The following FHAD1 variants were observed in gnomAD, a reference collection of about 807,000 sequenced individuals.
The protein encoded by FHAD1 is forkhead associated phosphopeptide binding domain 1.
In FHAD1, 146 loss-of-function variants were observed where a neutral mutation model predicts 191.3. The observed-to-expected ratio is 0.76, with a 90% CI of 0.67 to 0.88. The LOEUF is 0.88. Ranked by LOEUF, FHAD1 falls within the 40% of genes least tolerant of loss-of-function variation. The pLI is 0.00. For missense variants in FHAD1, 1,635 were observed against 1,785.8 expected (o/e 0.92, Z 1.52); for synonymous variants, 616 against 672.3 (o/e 0.92, Z 1.29).
chr1:15,378,012 G>C (rs1700054553), intron 28 of FHAD1, among the ~76,000 whole-genome samples: 1 of 151,284 alleles, frequency 6.6e-6, no homozygotes. Context: ...TAAGAAATAT[G>C]AAGACTTCAG....
chr1:15,340,120 C>G (rs1028082946), intron 15 of FHAD1, among the ~76,000 whole-genome samples: 1 of 152,158 alleles, frequency 6.6e-6, no homozygotes, highest in Non-Finnish European at 1.5e-5. Flanking sequence ...GCCACTGCAC[C>G]AGCCTTAATG....
Position 15,337,270 on chromosome 1 carries a change from C to G in FHAD1, c.1907-2211C>G, listed in dbSNP as rs146127303. Among the ~76,000 whole-genome samples the G allele has an allele frequency of 7.2e-3, 1,103 of 152,336 alleles. 17 individuals are homozygous for G. The highest frequency in any genetic ancestry group is 0.024 in the African/African-American group (1,009 of 41,574). On this transcript the variant is annotated intron_variant, in intron 14 of 33. Coordinates refer to ENST00000688493, the MANE Select transcript of FHAD1 (RefSeq NM_001391957.1). ...TGCCAGTGCCTCAAATTCAGCATGT[C>G]TGAAACAGCCTGGGGGCTCCTTCTC...
At chr1:15,363,264 C>A (rs1695393610) in intron 23 of FHAD1, among the ~76,000 whole-genome samples, 1 of 152,168 alleles carries the variant, frequency 6.6e-6, no homozygotes. Flanking sequence ...AGTCTCACTG[C>A]CATGATAACC....
chr1:15,304,950 TGTC>T (rs79974335), intron 6 of FHAD1, among the ~76,000 whole-genome samples: 38,515 of 151,946 alleles, frequency 0.25, 6,186 homozygotes, highest in East Asian at 0.55. Context: ...GTATCTGCAT[TGTC>T]GGGGTCCCCC....
At chr1:15,382,814 C>T (rs573914106) in intron 31 of FHAD1, among the ~76,000 whole-genome samples, 4 of 152,308 alleles carry the variant, frequency 2.6e-5, no homozygotes, top group East Asian at 1.9e-4. Context: ...CGCCAGTGAC[C>T]GCAAAGGAGA....
chr1:15,317,549 G>A (rs990232850), intron 9 of FHAD1, among the ~76,000 whole-genome samples: 2 of 152,224 alleles, frequency 1.3e-5, no homozygotes, highest in Non-Finnish European at 2.9e-5. Flanking sequence ...GTTGATGGGT[G>A]TCCTGTAGTC....
intron 11 of FHAD1, 45 bp downstream of exon 11, chr1:15,324,604 T>C: frequency 7.3e-7 from 1 of 1,378,208 alleles, no homozygotes. Context: ...CGCTCTCCAA[T>C]GATTGCACCC....
chr1:15,350,033 A>T (rs2102439704), intron 19 of FHAD1, among the ~76,000 whole-genome samples: 1 of 152,340 alleles, frequency 6.6e-6, no homozygotes, highest in East Asian at 1.9e-4. Flanking sequence ...GGTGGCACAG[A>T]CACACACGTG....
intron 33 of FHAD1, among the ~76,000 whole-genome samples, chr1:15,395,307 CAA>C (rs34527814): frequency 1.2e-4 from 12 of 101,382 alleles, no homozygotes; most frequent in Admixed American, 2.3e-4. Context: ...GACTCCATCT[CAA>C]AAAAAAAAAA....
chr1:15,299,608 G>A (rs74441378), intron 5 of FHAD1, among the ~76,000 whole-genome samples: 5,032 of 152,290 alleles, frequency 0.033, 116 homozygotes, highest in Non-Finnish European at 0.049. Context: ...TACCAAGACC[G>A]TGTGGAAGGG....
chr1:15,294,182 C>G (rs954986121), intron 4 of FHAD1, among the ~76,000 whole-genome samples: 1 of 152,184 alleles, frequency 6.6e-6, no homozygotes, highest in South Asian at 2.1e-4. Flanking sequence ...TTGAAAGCAC[C>G]GAGTTTTGAG....
rs1427182554 is a variant in FHAD1, at chr1:15,301,283, A to G, written c.757A>G (p.Ile253Val). The change falls in exon 6 of 34, where the codon ATA (isoleucine) becomes GTA (valine). Residue 253 changes from isoleucine to valine, a missense_variant. Transcript: ENST00000688493. The part of the protein sequence containing the change: ...YEIESKYKDV[I>V]IANLQNEVAE... Reference sequence around the variant, plus strand: ...AATTGAATCCAAATACAAAGACGTCATAATAGCAAACCTGCAGAATGAAGT... The same window carrying G: ...AATTGAATCCAAATACAAAGACGTCGTAATAGCAAACCTGCAGAATGAAGT... 5 of 1,551,680 alleles carry G rather than the reference A, an allele frequency of 3.2e-6. No homozygotes were observed. The highest frequency in any genetic ancestry group is 1.4e-5 in the African/African-American group (1 of 73,064).
chr1:15,289,632 G>A lies in FHAD1; in HGVS notation c.534G>A (p.Val178=), dbSNP rs1283698098. The A allele has an allele frequency of 6.4e-7, 1 of 1,550,784 alleles. No homozygotes were observed. Among genetic ancestry groups the A allele is most frequent in the East Asian group, 2.4e-5 (1 of 40,906 alleles). The stretch of plus-strand genomic sequence containing the variant: ...ACAAGGAGATGTTCTCGTTCGTGGT[G>A]GACGACGCCCGCAAGCCACCCGTCA... ...SANKEMFSFV[V]DDARKPPVIK... The change falls in exon 4 of 34, where the codon GTG becomes GTA. Residue 178 remains valine, a synonymous_variant. Coordinates refer to ENST00000688493, the MANE Select transcript of FHAD1 (RefSeq NM_001391957.1). This position sits in a 1 kb window ranked among gnomAD's most constrained non-coding sequence, Gnocchi z 4.2.
rs1467387169 is a variant in FHAD1 at position 15,289,083 on chromosome 1, C to T, written c.301-316C>T. The stretch of plus-strand genomic sequence containing the variant: ...CACTGCAGCCTCTACTTCCTAGGCT[C>T]AGGTGATCCTCCCACCTCAGCCTCT... On this transcript the variant is annotated intron_variant, in intron 3 of 33. Coordinates refer to ENST00000688493, the MANE Select transcript of FHAD1 (RefSeq NM_001391957.1). The surrounding 1 kb of genome is among the most constrained non-coding windows in gnomAD (Gnocchi z 4.2). Among the ~76,000 whole-genome samples the T allele has an allele frequency of 6.6e-6, 1 of 152,188 alleles. No individual in the cohort carries two copies. Among genetic ancestry groups the T allele is most frequent in the Non-Finnish European group, 1.5e-5 (1 of 68,036 alleles).
chr1:15,272,168 G>A (rs530171009), intron 2 of FHAD1, among the ~76,000 whole-genome samples, 155 bp from the exon 3 acceptor site: 126 of 152,068 alleles, frequency 8.3e-4, no homozygotes, highest in Non-Finnish European at 1.5e-3. Context: ...TGGGCAAGTC[G>A]CTTAACCTCT....
chr1:15,367,371 C>G, intron 24 of FHAD1, 92 bp from the exon 25 acceptor site: 1 of 1,409,660 alleles, frequency 7.1e-7, no homozygotes, highest in African/African-American at 1.4e-5. Context: ...TGGCGCATGC[C>G]CGTAATCCCA....
At chr1:15,264,512 G>A (rs933252927) in intron 2 of FHAD1, among the ~76,000 whole-genome samples, 1 of 150,864 alleles carries the variant, frequency 6.6e-6, no homozygotes, top group African/African-American at 2.4e-5. Flanking sequence ...AAATGATTTT[G>A]TATCATTTAT....
intron 19 of FHAD1, among the ~76,000 whole-genome samples, 187 bp downstream of exon 19, chr1:15,349,336 T>C (rs747130731): frequency 1.2e-4 from 18 of 152,104 alleles, no homozygotes; most frequent in Non-Finnish European, 2.6e-4. Flanking sequence ...TCCTCATCTG[T>C]GAAATGGGAA....
At position 15,356,489 on chromosome 1, in the gene FHAD1, A is replaced by G. The variant is rs1251556878; in HGVS notation, c.2563-1621A>G. ...CCCACTCATTTACAGAAAAGAATAG[A>G]AGTTGCAGGTGCGTGCTACGTGACC... is the stretch of plus-strand genomic sequence containing the variant. On this transcript the variant is annotated intron_variant, in intron 20 of 33. Transcript: ENST00000688493. 3.3e-5 allele frequency among the ~76,000 whole-genome samples: 5 copies of G among 152,194 alleles called. 1 individual carries two copies. The highest frequency in any genetic ancestry group is 7.3e-5 in the Non-Finnish European group (5 of 68,044).
Sources: allele counts gnomAD v4.1 joint callset (sites outside exome capture counted in the v4.1 genomes callset), GRCh38; gene constraint gnomAD v4.1.1; non-coding constraint Gnocchi (gnomAD v3.1); transcripts MANE v1.5; gene names NCBI Gene and HGNC (gene_info 2026-07-23, HGNC 2026-07-21).